RHBDD1: variants seen among roughly 807,000 people sequenced by gnomAD.
The protein encoded by RHBDD1 is rhomboid-related protein 4.
RHBDD1 carries 38 observed loss-of-function variants against 36.3 expected under a neutral mutation model. The ratio of observed to expected loss-of-function variants is 1.05; its 90% CI spans 0.81 to 1.37. The LOEUF is 1.37. Ranked by LOEUF, RHBDD1 falls within the 40% of genes most tolerant of loss-of-function variation. The pLI is 0.00. For missense variants in RHBDD1, 393 were observed against 377.6 expected, an observed-to-expected ratio of 1.04 and a Z score of -0.34; for synonymous variants, 151 against 136.5, an observed-to-expected ratio of 1.11 and a Z score of -0.74.
chr2:226,945,661 G>T (rs904766284), intron 8 of RHBDD1, among the ~76,000 whole-genome samples: 3 of 151,992 alleles, frequency 2.0e-5, no homozygotes, highest in Admixed American at 1.3e-4. Context: ...ATAATCCTTT[G>T]GGTATATACC....
chr2:226,838,149 G>C lies in RHBDD1; in HGVS notation c.-315G>C, dbSNP rs1210053782. 1.3e-5 allele frequency: 2 copies of C among 152,142 alleles called. No individual in the cohort carries two copies. The highest frequency in any genetic ancestry group is 2.9e-5 in the Non-Finnish European group (2 of 68,038). The allele number at this position is 152,142 out of a possible 1,614,324, so 9.4% of individuals were successfully genotyped here. A position where few individuals can be genotyped will look rare whatever the true frequency, so the allele number is the denominator to read the frequency against. ...TAAAGGCTACATTCACTGCAATGTTGAGAAGGTCAGTGCCAAACCGTGGCC... is the reference window on the plus strand; with the variant it reads ...TAAAGGCTACATTCACTGCAATGTTCAGAAGGTCAGTGCCAAACCGTGGCC... On this transcript the variant is annotated 5_prime_UTR_variant, in exon 2 of 9. Coordinates refer to ENST00000392062, the MANE Select transcript of RHBDD1 (RefSeq NM_001167608.3).
chr2:226,878,323 G>A (rs775428205), intron 5 of RHBDD1, among the ~76,000 whole-genome samples: 3 of 152,074 alleles, frequency 2.0e-5, no homozygotes, highest in Admixed American at 6.6e-5. Flanking sequence ...ATGGCTAATA[G>A]CAATTTAGAA....
At chr2:226,867,339 AATACAGT>A in intron 5 of RHBDD1, 21 bp downstream of exon 5, 1 of 1,600,828 alleles carries the variant, frequency 6.2e-7, no homozygotes, top group East Asian at 2.2e-5. Context: ...TCTTTTGGGG[AATACAGT>A]TGAAGGACCT....
upstream of RHBDD1, chr2:226,835,897 C>G (rs1001073575): frequency 1.3e-5 from 2 of 152,424 alleles, no homozygotes; most frequent in African/African-American, 4.8e-5. Context: ...GAGCCACTGC[C>G]GGCGCACGCG....
intron 6 of RHBDD1, chr2:226,908,434 T>C: frequency 5.4e-6 from 1 of 184,920 alleles, no homozygotes; most frequent in Admixed American, 5.5e-5. Context: ...GTAGGGAGGA[T>C]GGCTCTCCTA....
intron 8 of RHBDD1, among the ~76,000 whole-genome samples, chr2:226,915,715 A>G (rs1261263712): frequency 6.6e-6 from 1 of 152,234 alleles, no homozygotes; most frequent in Non-Finnish European, 1.5e-5. Context: ...ACTATATTGC[A>G]GTAACCTGAA....
chr2:226,907,329 G>A (rs1479575609), intron 6 of RHBDD1, among the ~76,000 whole-genome samples: 3 of 152,182 alleles, frequency 2.0e-5, no homozygotes, highest in Non-Finnish European at 4.4e-5. Context: ...CGGGTCCTTG[G>A]TGGATGAGCC....
At chr2:226,847,657 T>G (rs1416640364) in intron 3 of RHBDD1, among the ~76,000 whole-genome samples, 3 of 152,226 alleles carry the variant, frequency 2.0e-5, no homozygotes, top group Non-Finnish European at 4.4e-5. Flanking sequence ...CACAACAATA[T>G]GAAGATGATT....
the RHBDD1 span, among the ~76,000 whole-genome samples, chr2:226,807,033 T>C: frequency 6.6e-6 from 1 of 152,202 alleles, no homozygotes; most frequent in African/African-American, 2.4e-5. Flanking sequence ...TGGGCACCAG[T>C]CTGTCCCTAC....
chr2:226,945,598 T>A (rs1950936543), intron 8 of RHBDD1, among the ~76,000 whole-genome samples: 1 of 152,124 alleles, frequency 6.6e-6, no homozygotes, highest in African/African-American at 2.4e-5. Context: ...TTTGCTATTG[T>A]GAGTAGTGCC....
At chr2:226,868,612 T>C (rs970477134) in intron 5 of RHBDD1, among the ~76,000 whole-genome samples, 2 of 152,240 alleles carry the variant, frequency 1.3e-5, no homozygotes, top group Non-Finnish European at 2.9e-5. Context: ...GCTACTGTTC[T>C]TTACAGACAG....
At chr2:226,988,500 G>T in intron 8 of RHBDD1, 1 of 1,530,020 alleles carries the variant, frequency 6.5e-7, no homozygotes, top group Non-Finnish European at 8.8e-7. Context: ...AAAGACTCAG[G>T]CCTTGCGAGG....
chr2:226,815,469 A>G, the RHBDD1 span, among the ~76,000 whole-genome samples: 1 of 152,218 alleles, frequency 6.6e-6, no homozygotes, highest in Admixed American at 6.5e-5. Flanking sequence ...TAAAGTTATT[A>G]TATATTTCAT....
chr2:226,909,190 A>G (rs1319281058), intron 7 of RHBDD1, among the ~76,000 whole-genome samples: 1 of 152,178 alleles, frequency 6.6e-6, no homozygotes, highest in Admixed American at 6.5e-5. Flanking sequence ...CTGAGACTCT[A>G]CTGCTGGGAA....
At chr2:226,831,023 A>G (rs182224941), upstream of RHBDD1, among the ~76,000 whole-genome samples, 495 of 152,364 alleles carry the variant, frequency 3.2e-3, 3 homozygotes, top group Non-Finnish European at 2.5e-3. Flanking sequence ...TCCTTCATAC[A>G]TATTGCCATA....
In RHBDD1 at chr2:226,872,633, A is replaced by G. The variant is rs539390406; in HGVS notation, c.566+5315A>G. 8.5e-5 allele frequency among the ~76,000 whole-genome samples: 13 copies of G among 152,330 alleles called. No individual in the cohort carries two copies. In the South Asian group the frequency reaches 2.5e-3, roughly 29 times the overall value. On this transcript the variant is annotated intron_variant, in intron 5 of 8. Transcript: ENST00000392062. ...CAATATCAAATGTTTTTTGAATTGA[A>G]TCAAATGTTGTCATTGACCTTTAGT...
At chr2:226,883,335 C>G (rs1020638162) in intron 5 of RHBDD1, among the ~76,000 whole-genome samples, 1 of 152,138 alleles carries the variant, frequency 6.6e-6, no homozygotes, top group East Asian at 1.9e-4. Flanking sequence ...AAAATGTACA[C>G]GTCATACACA....
intron 8 of RHBDD1, among the ~76,000 whole-genome samples, chr2:226,926,940 C>T (rs1051449029): frequency 1.3e-5 from 2 of 151,990 alleles, no homozygotes; most frequent in Admixed American, 6.6e-5. Context: ...CTTTGGGTTC[C>T]TTGTTAATAT....
At chr2:226,830,945 G>A (rs1034118563), upstream of RHBDD1, among the ~76,000 whole-genome samples, 16 of 152,116 alleles carry the variant, frequency 1.1e-4, no homozygotes, top group African/African-American at 3.1e-4. Context: ...CTGGGATTAC[G>A]GGTGTGAGCC....
Sources: gnomAD v4.1 joint callset for allele counts (sites outside exome capture counted in the v4.1 genomes callset) on GRCh38, gnomAD v4.1.1 for gene constraint, MANE v1.5 for transcripts, NCBI Gene and HGNC (gene_info 2026-07-23, HGNC 2026-07-21) for gene names.